MEIS2: variants seen among roughly 807,000 people sequenced by gnomAD.
MEIS2 encodes homeobox protein Meis2.
In MEIS2, 9 loss-of-function variants were observed where a neutral mutation model predicts 58.6. The observed-to-expected ratio is 0.15, with a 90% CI of 0.09 to 0.27. The LOEUF (loss-of-function observed/expected upper bound fraction) is 0.27. Ranked by LOEUF, MEIS2 falls within the 10% of genes least tolerant of loss-of-function variation. The pLI is 1.00. For synonymous variants in MEIS2, 221 were observed against 228.4 expected (o/e 0.97, Z 0.29); for missense variants, 427 against 635.0 (o/e 0.67, Z 3.52).
intron 9 of MEIS2, among the ~76,000 whole-genome samples, chr15:36,947,426 G>A (rs2058606806): frequency 6.6e-6 from 1 of 151,894 alleles, no homozygotes; most frequent in Non-Finnish European, 1.5e-5. Context: ...ATATTAACAG[G>A]TCTGTTTTTA....
At chr15:37,016,241 C>T (rs1030945425) in intron 8 of MEIS2, among the ~76,000 whole-genome samples, 1 of 152,146 alleles carries the variant, frequency 6.6e-6, no homozygotes, top group Non-Finnish European at 1.5e-5. Context: ...AGCTTCACTG[C>T]TCCCATGGCA....
At chr15:37,088,447 A>T (rs1893147527) in intron 6 of MEIS2, among the ~76,000 whole-genome samples, 1 of 152,182 alleles carries the variant, frequency 6.6e-6, no homozygotes, top group Non-Finnish European at 1.5e-5. Context: ...CTCCTAATTA[A>T]CATTATGCAA....
intron 8 of MEIS2, among the ~76,000 whole-genome samples, chr15:37,033,202 A>C (rs553978230): frequency 6.6e-6 from 1 of 152,142 alleles, no homozygotes; most frequent in Non-Finnish European, 1.5e-5. Context: ...AGTTGAGAAC[A>C]TATGTAGAAA....
chr15:37,060,634 T>C (rs1889084034), intron 7 of MEIS2, among the ~76,000 whole-genome samples: 1 of 152,086 alleles, frequency 6.6e-6, no homozygotes, highest in Non-Finnish European at 1.5e-5. Flanking sequence ...GAGAAGAAAT[T>C]GGTTTCTGAA....
chr15:37,061,351 G>T (rs554140299), intron 7 of MEIS2, among the ~76,000 whole-genome samples: 2 of 152,196 alleles, frequency 1.3e-5, no homozygotes, highest in African/African-American at 4.8e-5. Context: ...GAGGCCGGCA[G>T]AAGTGTTTAA....
In MEIS2 at chr15:36,890,145, G is replaced by T; in HGVS notation, c.*2028C>A. 6.6e-6 allele frequency: 1 copy of T among 152,192 alleles called. No homozygotes were observed. The highest frequency in any genetic ancestry group is 3.4e-3 in the Middle Eastern group (1 of 294). The allele number at this position is 152,192 out of a possible 1,614,324, so 9.4% of individuals were successfully genotyped here. A position where few individuals can be genotyped will look rare whatever the true frequency, so the allele number is the denominator to read the frequency against. ...GAGATGATGAATAATTTCCTTAGCC[G>T]GTTGACATCACATATCTAGCCAAAG... is the stretch of plus-strand genomic sequence containing the variant. On this transcript the variant is annotated 3_prime_UTR_variant, in exon 12 of 12. Coordinates refer to ENST00000561208, the MANE Select transcript of MEIS2 (RefSeq NM_170675.5).
chr15:37,027,945 A>G (rs1443859940), intron 8 of MEIS2, among the ~76,000 whole-genome samples: 1 of 152,116 alleles, frequency 6.6e-6, no homozygotes, highest in Non-Finnish European at 1.5e-5. Flanking sequence ...ACACATCATA[A>G]TCACCCAGAG....
Position 37,015,083 on chromosome 15 carries a change from T to C in MEIS2, c.900+21731A>G, listed in dbSNP as rs181615653. ...AAGTATACACTAAAGTGAAAAGCTA[T>C]TGTCAATATTTAGCGGAACGCTATG... On this transcript the variant is annotated intron_variant, in intron 8 of 11. Transcript: ENST00000561208. Among the ~76,000 whole-genome samples the C allele has an allele frequency of 3.3e-5, 5 of 152,378 alleles. No individual in the cohort carries two copies. In the East Asian group the frequency reaches 9.6e-4, roughly 29 times the overall value.
At chr15:36,966,881 G>C (rs984045184) in intron 8 of MEIS2, among the ~76,000 whole-genome samples, 15 of 46,076 alleles carry the variant, frequency 3.3e-4, no homozygotes, top group African/African-American at 9.2e-4. Context: ...TGTAGTCAGA[G>C]CCAGCTAGGA....
chr15:36,996,309 A>C (rs2060519382), intron 8 of MEIS2, among the ~76,000 whole-genome samples: 1 of 152,060 alleles, frequency 6.6e-6, no homozygotes, highest in African/African-American at 2.4e-5. Flanking sequence ...AGGTGTTCAC[A>C]CTGGAAGAAT....
At chr15:36,989,743 T>C (rs1444944588) in intron 8 of MEIS2, among the ~76,000 whole-genome samples, 3 of 152,248 alleles carry the variant, frequency 2.0e-5, no homozygotes, top group African/African-American at 7.2e-5. Context: ...ACATTTCACA[T>C]AATGGAATAG....
chr15:36,948,801 G>A lies in MEIS2; in HGVS notation c.977+1523C>T, dbSNP rs202110509. Reference sequence around the variant, plus strand: ...TACATATATATTTACACTATGAAGCGCCTATCAATGTATAATCACATACAC... The same window carrying A: ...TACATATATATTTACACTATGAAGCACCTATCAATGTATAATCACATACAC... On this transcript the variant is annotated intron_variant, in intron 9 of 11. Transcript: ENST00000561208. Among the ~76,000 whole-genome samples, 14 of 151,946 alleles carry A rather than the reference G, an allele frequency of 9.2e-5. No individual in the cohort carries two copies. The East Asian group carries it at 1.2e-3, about 13-fold the overall frequency.
intron 8 of MEIS2, among the ~76,000 whole-genome samples, chr15:37,031,815 T>TTG (rs66770353): frequency 0.2 from 26,972 of 133,934 alleles, 2,622 homozygotes; most frequent in East Asian, 0.29. Context: ...TTACATCACT[T>TTG]TGTGTGTGTG....
intron 6 of MEIS2, among the ~76,000 whole-genome samples, chr15:37,090,110 AT>A (rs1051608327): frequency 9.9e-5 from 15 of 151,974 alleles, no homozygotes; most frequent in African/African-American, 3.1e-4. Context: ...ACTATTATAT[AT>A]TTTTTTCTCC....
chr15:36,978,104 G>A (rs909282227), intron 8 of MEIS2, among the ~76,000 whole-genome samples: 1 of 152,180 alleles, frequency 6.6e-6, no homozygotes, highest in Admixed American at 6.5e-5. Flanking sequence ...CATTTGGTAA[G>A]ATGATACATT....
intron 8 of MEIS2, among the ~76,000 whole-genome samples, chr15:37,020,241 C>T (rs1014932605): frequency 2.6e-5 from 4 of 152,108 alleles, no homozygotes; most frequent in African/African-American, 9.7e-5. Context: ...GGGTCAAGAG[C>T]ACAGTCTGAC....
rs1165033471 is a variant in MEIS2, at chr15:36,891,342, C to A, written c.*831G>T. The A allele has an allele frequency of 2.0e-5, 3 of 152,328 alleles. No homozygotes were observed. The highest frequency in any genetic ancestry group is 7.3e-5 in the African/African-American group (3 of 41,376). 9.4% of individuals were successfully genotyped at this position (152,328 alleles called of 1,614,324 possible). A position where few individuals can be genotyped will look rare whatever the true frequency, so the allele number is the denominator to read the frequency against. On this transcript the variant is annotated 3_prime_UTR_variant, in exon 12 of 12. Transcript: ENST00000561208. Reference sequence around the variant, plus strand: ...AAGTTTGTTACAGTATTCTCTTGCTCCTTTTTATCCCCCAAGCTTTGAGTT... The same window carrying A: ...AAGTTTGTTACAGTATTCTCTTGCTACTTTTTATCCCCCAAGCTTTGAGTT...
chr15:36,919,525 C>T (rs1567051750), intron 9 of MEIS2, among the ~76,000 whole-genome samples: 1 of 149,064 alleles, frequency 6.7e-6, no homozygotes, highest in African/African-American at 2.5e-5. Flanking sequence ...TTGTGGGAGT[C>T]GAGATTGCGC....
intron 7 of MEIS2, among the ~76,000 whole-genome samples, chr15:37,054,441 G>A (rs1596025044): frequency 1.3e-5 from 2 of 151,876 alleles, no homozygotes; most frequent in Middle Eastern, 3.4e-3. Context: ...TGTTTTTTGA[G>A]ACAGGATCTC....
Sources: gnomAD v4.1 joint callset for allele counts (sites outside exome capture counted in the v4.1 genomes callset) on GRCh38, gnomAD v4.1.1 for gene constraint, MANE v1.5 for transcripts, NCBI Gene and HGNC (gene_info 2026-07-23, HGNC 2026-07-21) for gene names.